ZBBX: variants seen among roughly 807,000 people sequenced by gnomAD.
ZBBX encodes the protein zinc finger B-box domain containing, also known as zinc finger B-box domain-containing protein 1.
In ZBBX, 101 loss-of-function variants were observed where a neutral mutation model predicts 108.5. That is an observed-to-expected ratio of 0.93 (90% CI 0.79 to 1.10). The LOEUF is 1.10. Among genes scored for constraint, ZBBX ranks in the 50% least tolerant of loss-of-function variants. The pLI is 0.00. For missense variants in ZBBX, 1,009 were observed against 941.4 expected (o/e 1.07, Z -0.94); for synonymous variants, 356 against 323.4 (o/e 1.10, Z -1.08).
At chr3:167,318,558 A>G (rs941898763) in intron 12 of ZBBX, among the ~76,000 whole-genome samples, 2 of 151,980 alleles carry the variant, frequency 1.3e-5, no homozygotes, top group African/African-American at 4.8e-5. Context: ...TTCCTTTGTA[A>G]TGCCTCTTCT....
At chr3:167,228,183 A>G in the ZBBX span, among the ~76,000 whole-genome samples, 1 of 151,852 alleles carries the variant, frequency 6.6e-6, no homozygotes, top group Non-Finnish European at 1.5e-5. Context: ...AAGAGGTTGT[A>G]GAGTCACTTC....
chr3:167,342,798 C>CAAA (rs374133887), intron 9 of ZBBX, among the ~76,000 whole-genome samples: 1 of 121,894 alleles, frequency 8.2e-6, no homozygotes, highest in Non-Finnish European at 1.8e-5. Context: ...GTTATTACCA[C>CAAA]AAAAAAAAAA....
chr3:167,233,853 G>A, the ZBBX span, among the ~76,000 whole-genome samples: 1 of 151,762 alleles, frequency 6.6e-6, no homozygotes, highest in Non-Finnish European at 1.5e-5. Flanking sequence ...CAACAATCCT[G>A]TGACAACATA....
intron 4 of ZBBX, among the ~76,000 whole-genome samples, chr3:167,370,135 T>C (rs1348959207): frequency 6.6e-6 from 1 of 152,086 alleles, no homozygotes; most frequent in Non-Finnish European, 1.5e-5. Context: ...AATTAGAGGG[T>C]GCAAGGCTAG....
At chr3:167,372,769 C>T (rs1276247387) in intron 4 of ZBBX, 65 bp downstream of exon 4, 10 of 805,552 alleles carry the variant, frequency 1.2e-5, no homozygotes, top group Non-Finnish European at 1.6e-5. Context: ...ACAAAATAGT[C>T]AAAATTACAA....
chr3:167,282,420 G>A lies in ZBBX; in HGVS notation c.2072C>T (p.Ser691Leu), dbSNP rs1338202487. Residue 691 changes from serine (S) to leucine (L), a missense_variant, in exon 20 of 22, where the codon TCA becomes TTA. Transcript: ENST00000675490. The stretch of plus-strand genomic sequence containing the variant: ...ACTTCTTGATCGAGGATGAGAGGAT[G>A]AAAGGCAACTGGAGCTTTCTTTAAC... ...NSVKESSSCL[S>L]SSHPRSRSAA... The A allele has an allele frequency of 6.2e-7, 1 of 1,614,004 alleles. No homozygotes were observed. The highest frequency in any genetic ancestry group is 2.2e-5 in the East Asian group (1 of 44,886).
At chr3:167,377,191 A>C (rs764172549) in intron 2 of ZBBX, among the ~76,000 whole-genome samples, 4 of 152,176 alleles carry the variant, frequency 2.6e-5, no homozygotes, top group Admixed American at 6.5e-5. Context: ...TGATCCTTCT[A>C]CACATGTTCC....
the ZBBX span, among the ~76,000 whole-genome samples, chr3:167,227,166 A>C: frequency 6.6e-6 from 1 of 151,760 alleles, no homozygotes; most frequent in African/African-American, 2.4e-5. Context: ...TGTATGTTTC[A>C]TAAGAGCTAG....
At chr3:167,272,065 T>C (rs1346400162) in intron 20 of ZBBX, among the ~76,000 whole-genome samples, 1 of 152,128 alleles carries the variant, frequency 6.6e-6, no homozygotes, top group African/African-American at 2.4e-5. Context: ...GTAGAAAGGA[T>C]GAATCAAACT....
chr3:167,262,042 C>T (rs1724638180), intron 20 of ZBBX, among the ~76,000 whole-genome samples: 2 of 152,198 alleles, frequency 1.3e-5, no homozygotes, highest in South Asian at 4.1e-4. Context: ...TCCTCTACCC[C>T]TGTATTTTGC....
At chr3:167,332,562 C>T (rs1738838432) in intron 10 of ZBBX, among the ~76,000 whole-genome samples, 1 of 152,136 alleles carries the variant, frequency 6.6e-6, no homozygotes, top group Admixed American at 6.6e-5. Flanking sequence ...CTGAATCTCT[C>T]ATCTTTCTCA....
chr3:167,394,433 T>A (rs1258295897), intron 1 of ZBBX, among the ~76,000 whole-genome samples: 2 of 151,952 alleles, frequency 1.3e-5, no homozygotes, highest in Non-Finnish European at 2.9e-5. Context: ...TAGGATTTAA[T>A]AATCTTGACA....
chr3:167,319,999 G>T (rs1280772115), intron 12 of ZBBX, among the ~76,000 whole-genome samples: 1 of 151,394 alleles, frequency 6.6e-6, no homozygotes, highest in South Asian at 2.1e-4. Context: ...TGTGTATGTG[G>T]ATTTGTGTGT....
chr3:167,202,802 G>A, the ZBBX span, among the ~76,000 whole-genome samples: 1 of 152,182 alleles, frequency 6.6e-6, no homozygotes, highest in East Asian at 1.9e-4. Flanking sequence ...TAAACTGTCA[G>A]CATAATCACA....
At chr3:167,202,285 G>C in the ZBBX span, among the ~76,000 whole-genome samples, 1 of 152,136 alleles carries the variant, frequency 6.6e-6, no homozygotes, top group African/African-American at 2.4e-5. Flanking sequence ...CAAGGGCAGA[G>C]TACTGAGCCA....
intron 5 of ZBBX, chr3:167,366,871 G>T (rs534761563): frequency 2.2e-6 from 1 of 455,920 alleles, no homozygotes; most frequent in Non-Finnish European, 4.4e-6. Flanking sequence ...GAAGGTAAAA[G>T]AATTGGCCAC....
At chr3:167,399,506 G>A (rs762687998) in intron 1 of ZBBX, 1 of 152,080 alleles carries the variant, frequency 6.6e-6, no homozygotes, top group African/African-American at 2.4e-5. Context: ...TACTCTGAAA[G>A]AGCATCAAGA....
In ZBBX at chr3:167,242,600, T is replaced by G; in HGVS notation, c.2298A>C (p.Pro766=). The G allele has an allele frequency of 1.2e-6, 2 of 1,613,758 alleles. No homozygotes were observed. The highest frequency in any genetic ancestry group is 1.7e-6 in the Non-Finnish European group (2 of 1,179,846). The change falls in exon 21 of 22, where the codon CCA becomes CCC. Residue 766 remains proline (P), a synonymous_variant. Coordinates refer to ENST00000675490, the MANE Select transcript of ZBBX (RefSeq NM_001199201.2). ...KLYSLTSEEF[P]DFSSQSLNIS... ...TATTCAGTGATTGGCTGCTGAAATC[T>G]GGGAACTCTTCTGAGGTTAAGCTGT...
intron 1 of ZBBX, among the ~76,000 whole-genome samples, chr3:167,390,497 T>G (rs1431156195): frequency 6.6e-6 from 1 of 151,856 alleles, no homozygotes; most frequent in East Asian, 1.9e-4. Context: ...AAATTTAAAG[T>G]AGTTGTTTTT....
Sources: allele counts gnomAD v4.1 joint callset (sites outside exome capture counted in the v4.1 genomes callset), GRCh38; gene constraint gnomAD v4.1.1; transcripts MANE v1.5; gene names NCBI Gene and HGNC (gene_info 2026-07-23, HGNC 2026-07-21).